Variants in ALK observed in about 807,000 individuals in gnomAD.
ALK encodes ALK receptor tyrosine kinase, also known as ALK tyrosine kinase receptor.
Under a neutral mutation model 163.1 loss-of-function variants are expected in ALK, and 74 were observed. The observed-to-expected ratio is 0.45, with a 90% CI of 0.38 to 0.55. The LOEUF (loss-of-function observed/expected upper bound fraction) is 0.55. Ranked by LOEUF, ALK falls within the 20% of genes least tolerant of loss-of-function variation. The probability of loss-of-function intolerance (pLI) is 0.00; values close to 1 mark genes in which losing one functional copy is unlikely to be tolerated. For synonymous variants in ALK, 960 were observed against 843.2 expected (o/e 1.14, Z -2.40); for missense variants, 2,063 against 2,105.3 (o/e 0.98, Z 0.39).
At chr2:29,895,125 T>G (rs770699735) in intron 1 of ALK, among the ~76,000 whole-genome samples, 1 of 152,238 alleles carries the variant, frequency 6.6e-6, no homozygotes, top group Non-Finnish European at 1.5e-5. Context: ...GTAGCTTTTA[T>G]GCCTGGAGAT....
At position 29,671,765 on chromosome 2, in the gene ALK, G is replaced by C. The variant is rs558903086; in HGVS notation, c.952+23085C>G. On this transcript the variant is annotated intron_variant, in intron 3 of 28. Transcript: ENST00000389048. ...CATGTTTGAATTTCAAGTGTTGCTA[G>C]TGAAAATCTCAGTGCTTTGGTTTTG... Among the ~76,000 whole-genome samples, 5 of 152,174 alleles carry C rather than the reference G, an allele frequency of 3.3e-5. No homozygotes were observed. The South Asian group carries it at 1.0e-3, about 32-fold the overall frequency.
At chr2:29,337,314 G>A (rs546413231) in intron 5 of ALK, among the ~76,000 whole-genome samples, 1 of 152,302 alleles carries the variant, frequency 6.6e-6, no homozygotes, top group South Asian at 2.1e-4. Context: ...GATGGCTGCT[G>A]GTGGGCTGGG....
At chr2:29,818,248 G>A (rs903360533) in intron 1 of ALK, among the ~76,000 whole-genome samples, 1 of 152,102 alleles carries the variant, frequency 6.6e-6, no homozygotes, top group African/African-American at 2.4e-5. Context: ...TCTCTCTCTC[G>A]AAGAGAAATG....
At chr2:29,464,951 A>T (rs1671172873) in intron 4 of ALK, among the ~76,000 whole-genome samples, 1 of 152,380 alleles carries the variant, frequency 6.6e-6, no homozygotes, top group East Asian at 1.9e-4. Flanking sequence ...ACAGAATATC[A>T]GTGACAATGT....
At chr2:29,243,917 A>G (rs985826491) in intron 12 of ALK, among the ~76,000 whole-genome samples, 1 of 152,202 alleles carries the variant, frequency 6.6e-6, no homozygotes, top group Non-Finnish European at 1.5e-5. Context: ...TTTTTTCCTC[A>G]TCTAAATCCA....
chr2:29,794,198 A>C (rs907578728), intron 1 of ALK, among the ~76,000 whole-genome samples: 43 of 152,112 alleles, frequency 2.8e-4, no homozygotes, highest in African/African-American at 9.4e-4. Flanking sequence ...TTTTTCCTTC[A>C]ACCTCGTGAA....
Position 29,325,724 on chromosome 2 carries a change from T to C in ALK, c.1414+2626A>G, listed in dbSNP as rs78537552. ...TATCAGTTTGATCGTGGACAACCACTTAAACTCCGTGAGCTTCAGCTTCCT... is the reference window on the plus strand; with the variant it reads ...TATCAGTTTGATCGTGGACAACCACCTAAACTCCGTGAGCTTCAGCTTCCT... On this transcript the variant is annotated intron_variant, in intron 6 of 28. Transcript: ENST00000389048. 4.7e-3 allele frequency among the ~76,000 whole-genome samples: 719 copies of C among 152,370 alleles called. 2 individuals are homozygous for C. The highest frequency in any genetic ancestry group is 0.017 in the African/African-American group (687 of 41,590).
chr2:29,200,334 A>G (rs1489538032), intron 26 of ALK, among the ~76,000 whole-genome samples: 1 of 152,194 alleles, frequency 6.6e-6, no homozygotes, highest in Non-Finnish European at 1.5e-5. Context: ...GCACTAATAG[A>G]ACTGCACATG....
intron 11 of ALK, 56 bp from the exon 12 acceptor site, chr2:29,251,323 G>A: frequency 1.3e-6 from 2 of 1,560,704 alleles, no homozygotes; most frequent in Non-Finnish European, 1.7e-6. Context: ...CCTCCTCCAG[G>A]GGCCTCCCTG....
intron 4 of ALK, among the ~76,000 whole-genome samples, chr2:29,438,341 T>C (rs1460004378): frequency 1.3e-5 from 2 of 152,232 alleles, no homozygotes; most frequent in Non-Finnish European, 2.9e-5. Flanking sequence ...TACAGTGTTT[T>C]GTTCACATGA....
At chr2:29,348,873 AG>A (rs1295976096) in intron 5 of ALK, among the ~76,000 whole-genome samples, 2 of 152,228 alleles carry the variant, frequency 1.3e-5, no homozygotes, top group African/African-American at 4.8e-5. Flanking sequence ...AAAGGGACCC[AG>A]ATTCAATCAG....
At chr2:29,473,519 T>G (rs1314183671) in intron 4 of ALK, among the ~76,000 whole-genome samples, 1 of 152,198 alleles carries the variant, frequency 6.6e-6, no homozygotes, top group Admixed American at 6.5e-5. Flanking sequence ...CTGTAATATA[T>G]AAAGAAGCCC....
chr2:29,858,526 A>G (rs1455884214), intron 1 of ALK, among the ~76,000 whole-genome samples: 3 of 151,626 alleles, frequency 2.0e-5, no homozygotes, highest in Middle Eastern at 3.4e-3. Context: ...TGAGGTCAGG[A>G]GTTCAAGACC....
intron 1 of ALK, among the ~76,000 whole-genome samples, chr2:29,903,223 T>C (rs902996546): frequency 6.6e-6 from 1 of 152,164 alleles, no homozygotes; most frequent in African/African-American, 2.4e-5. Flanking sequence ...GAATGAAGAA[T>C]TGGAATTAAG....
chr2:29,313,866 A>T (rs1666756333), intron 8 of ALK, among the ~76,000 whole-genome samples: 1 of 152,126 alleles, frequency 6.6e-6, no homozygotes, highest in African/African-American at 2.4e-5. Context: ...TCTGATACTA[A>T]GTTTTCTTAC....
chr2:29,217,144 GT>G (rs1558619640), intron 23 of ALK, among the ~76,000 whole-genome samples: 14 of 149,672 alleles, frequency 9.4e-5, no homozygotes, highest in Non-Finnish European at 1.9e-4. Context: ...GTGTGTGTGT[GT>G]GTGTAGTGTA....
At chr2:29,370,003 G>T (rs900992470) in intron 5 of ALK, among the ~76,000 whole-genome samples, 1 of 152,176 alleles carries the variant, frequency 6.6e-6, no homozygotes, top group African/African-American at 2.4e-5. Flanking sequence ...CGTGCACAGT[G>T]GATCTCTTGG....
intron 12 of ALK, among the ~76,000 whole-genome samples, chr2:29,242,139 C>T (rs1664540972): frequency 6.6e-6 from 1 of 152,192 alleles, no homozygotes; most frequent in African/African-American, 2.4e-5. Flanking sequence ...TGAACCTGGG[C>T]AGGGGACGAT....
At chr2:29,333,488 G>A (rs755024467) in intron 5 of ALK, among the ~76,000 whole-genome samples, 2 of 152,036 alleles carry the variant, frequency 1.3e-5, no homozygotes, top group Non-Finnish European at 2.9e-5. Flanking sequence ...GTATCGATTA[G>A]GTTCTTCCTG....
Sources: allele counts gnomAD v4.1 joint callset (sites outside exome capture counted in the v4.1 genomes callset), GRCh38; gene constraint gnomAD v4.1.1; transcripts MANE v1.5; gene names NCBI Gene and HGNC (gene_info 2026-07-23, HGNC 2026-07-21).